EPN3: variants seen among roughly 807,000 people sequenced by gnomAD.
EPN3 encodes epsin-3.
EPN3 carries 56 observed loss-of-function variants against 55.5 expected under a neutral mutation model. That is an observed-to-expected ratio of 1.01 (90% CI 0.81 to 1.26). EPN3 has a LOEUF of 1.26. Ranked by LOEUF, EPN3 falls within the 50% of genes most tolerant of loss-of-function variation. The probability of loss-of-function intolerance (pLI) is 0.00; values close to 1 mark genes in which losing one functional copy is unlikely to be tolerated. For missense variants in EPN3, 927 were observed against 853.4 expected (o/e 1.09, Z -1.07); for synonymous variants, 449 against 375.2 (o/e 1.20, Z -2.27).
intron 6 of EPN3, 129 bp downstream of exon 6, chr17:50,540,463 C>T (rs539570489): frequency 2.3e-6 from 2 of 857,862 alleles, no homozygotes; most frequent in East Asian, 2.7e-5. Context: ...CCACCTTGAG[C>T]CTCCGCCGCC....
intron 4 of EPN3, 43 bp from the exon 5 acceptor site, chr17:50,539,144 C>A: frequency 6.2e-7 from 1 of 1,610,842 alleles, no homozygotes; most frequent in South Asian, 1.1e-5. Context: ...CGGATTCCCG[C>A]CTGAGCTGCT....
At chr17:50,538,989 G>A (rs748515663) in intron 4 of EPN3, 25 bp downstream of exon 4, 1 of 1,578,572 alleles carries the variant, frequency 6.3e-7, no homozygotes, top group Non-Finnish European at 8.6e-7. Flanking sequence ...CCGCTGGGCT[G>A]CCGGTGCTGC....
rs1157086366 is a variant in EPN3, at chr17:50,541,676, CG to C, written c.1569del (p.Asn524ThrfsTer4). 1 of 1,613,404 alleles carries C rather than the reference CG, an allele frequency of 6.2e-7. No homozygotes were observed. Among genetic ancestry groups the C allele is most frequent in the Admixed American group, 1.7e-5 (1 of 60,026 alleles). The stretch of plus-strand genomic sequence containing the variant: ...CAAGGCACCCCAGGTTGCAAAGACC[CG>C]GAACCCCTTCCTGACAGGTAAGATA... The part of the protein sequence containing the change: ...LVKAPQVAKT[R>X]NPFLTGLSAP... On this transcript the variant is annotated frameshift_variant, in exon 9 of 10. Transcript: ENST00000268933. LOFTEE classifies it high-confidence loss of function.
chr17:50,536,426 T>A lies in EPN3; in HGVS notation c.-131T>A, dbSNP rs550737946. On this transcript the variant is annotated 5_prime_UTR_variant, in exon 2 of 10. The change abolishes an upstream ATG in the 5' untranslated region. Coordinates refer to ENST00000268933, the MANE Select transcript of EPN3 (RefSeq NM_017957.3). The stretch of plus-strand genomic sequence containing the variant: ...CCTGGCCCTCTCTTCCTCAGCCCCA[T>A]GTGGAACCCAAGGATGCAGCTGCTC... 3.9e-6 allele frequency: 6 copies of A among 1,519,356 alleles called. No individual in the cohort carries two copies. Among genetic ancestry groups the A allele is most frequent in the Non-Finnish European group, 5.2e-6 (6 of 1,143,976 alleles). 94.1% of individuals were successfully genotyped at this position (1,519,356 alleles called of 1,614,324 possible). A position where few individuals can be genotyped will look rare whatever the true frequency, so the allele number is the denominator to read the frequency against.
chr17:50,534,033 C>T (rs2034720974), intron 1 of EPN3, among the ~76,000 whole-genome samples: 1 of 152,220 alleles, frequency 6.6e-6, no homozygotes, highest in African/African-American at 2.4e-5. Flanking sequence ...TGGCAGCGCT[C>T]CCAGCTGCTC....
At position 50,539,257 on chromosome 17, in the gene EPN3, G is replaced by A. The variant is rs756351981; in HGVS notation, c.833G>A (p.Arg278Gln). The change falls in exon 5 of 10, where the codon CGG (arginine) becomes CAG (glutamine). Residue 278 changes from arginine to glutamine, a missense_variant. Coordinates refer to ENST00000268933, the MANE Select transcript of EPN3 (RefSeq NM_017957.3). ...GCAGGGGCCGTGGTCCACCATCAGC[G>A]GGACAGAGAGCCTGAGAGAGAAGAG... is the stretch of plus-strand genomic sequence containing the variant. ...NGAGAVVHHQRDREPEREERK... is the reference protein window; with the variant it reads ...NGAGAVVHHQQDREPEREERK... 58 of 1,614,178 alleles carry A rather than the reference G, an allele frequency of 3.6e-5. No individual in the cohort carries two copies. Among genetic ancestry groups the A allele is most frequent in the Non-Finnish European group, 4.6e-5 (54 of 1,180,028 alleles).
rs573109746 is a variant in EPN3 at position 50,542,276 on chromosome 17, A to G, written c.*119A>G. ...GAACGCCGAGCCAGTGGCGGCTGGT[A>G]TCCCGCGGCGGCTCTGGAAGCTGGA... is the stretch of plus-strand genomic sequence containing the variant. On this transcript the variant is annotated 3_prime_UTR_variant, in exon 10 of 10. Transcript: ENST00000268933. The G allele has an allele frequency of 6.6e-5, 76 of 1,152,124 alleles. No homozygotes were observed. The highest frequency in any genetic ancestry group is 6.6e-4 in the African/African-American group (40 of 60,764). The allele number at this position is 1,152,124 out of a possible 1,614,324, so 71.4% of individuals were successfully genotyped here. A position where few individuals can be genotyped will look rare whatever the true frequency, so the allele number is the denominator to read the frequency against.
intron 4 of EPN3, 65 bp downstream of exon 4, chr17:50,539,029 A>G: frequency 6.5e-7 from 1 of 1,540,800 alleles, no homozygotes; most frequent in Non-Finnish European, 8.8e-7. Context: ...GCTTCAGGGC[A>G]CTAACAGCCT....
chr17:50,537,349 A>G (rs2034780131), intron 2 of EPN3: 2 of 573,852 alleles, frequency 3.5e-6, no homozygotes, highest in East Asian at 5.8e-5. Flanking sequence ...GCTGCCTGAT[A>G]GGATGGCGCG....
rs2034774350 is a variant in EPN3 at position 50,537,045 on chromosome 17, T to C, written c.489T>C (p.Ser163=). Residue 163 remains serine, a synonymous_variant, in exon 2 of 10, where the codon AGT becomes AGC. Coordinates refer to ENST00000268933, the MANE Select transcript of EPN3 (RefSeq NM_017957.3). Reference sequence around the variant, plus strand: ...CACTGGAGGGCATCGGCATTGGCAGTGGGCAGCTGGGCTTCAGCCGCCGCT... The same window carrying C: ...CACTGGAGGGCATCGGCATTGGCAGCGGGCAGCTGGGCTTCAGCCGCCGCT... ...RMALEGIGIG[S]GQLGFSRRYG... The C allele has an allele frequency of 1.9e-6, 3 of 1,611,992 alleles. No individual in the cohort carries two copies. The highest frequency in any genetic ancestry group is 2.2e-5 in the East Asian group (1 of 44,846).
In EPN3 at chr17:50,537,067, C is replaced by T. The variant is rs531362435; in HGVS notation, c.511C>T (p.Arg171Cys). The change falls in exon 2 of 10, where the codon CGC (arginine) becomes TGC (cysteine). Residue 171 changes from arginine to cysteine, a missense_variant. By Grantham distance (180) the Arg-to-Cys change is radical (BLOSUM62 -3). Transcript: ENST00000268933. ...IGSGQLGFSR[R>C]YGEDYSRSRG... ...CAGTGGGCAGCTGGGCTTCAGCCGC[C>T]GCTACGGCGAGGACTACAGCCGCTC... 304 of 1,611,782 alleles carry T rather than the reference C, an allele frequency of 1.9e-4. 2 individuals carry two copies. The South Asian group carries it at 2.8e-3, about 15-fold the overall frequency.
rs542448631 is a variant in EPN3, at chr17:50,541,072, G to C, written c.1249+10G>C. ...ACCTCCGACACACCTGGTAAGAAGA[G>C]GGCCAGAGAGTGTGAGTGAGGAGCT... On this transcript the variant is annotated intron_variant, in intron 7 of 9. Transcript: ENST00000268933. 1.3e-6 allele frequency: 2 copies of C among 1,571,978 alleles called. No homozygotes were observed. Among genetic ancestry groups the C allele is most frequent in the South Asian group, 1.2e-5 (1 of 85,660 alleles).
At chr17:50,539,014 G>A (rs1185282302) in intron 4 of EPN3, 50 bp downstream of exon 4, 11 of 1,557,338 alleles carry the variant, frequency 7.1e-6, no homozygotes, top group Non-Finnish European at 9.6e-6. Context: ...GCTGCTGGTG[G>A]AGGTGCTTCA....
rs775916246 is a variant in EPN3, at chr17:50,541,944, A to G, written c.1686A>G (p.Ala562=). The change falls in exon 10 of 10, where the codon GCA becomes GCG. Residue 562 remains alanine (A), a synonymous_variant. Transcript: ENST00000268933. ...CCGGCTCGCCGGCGCTGGGCCTGGCAGGCGGGCCTGTGGGGGCGCCCCTGG... is the reference window on the plus strand; with the variant it reads ...CCGGCTCGCCGGCGCTGGGCCTGGCGGGCGGGCCTGTGGGGGCGCCCCTGG... ...MRTGSPALGL[A]GGPVGAPLGS... 10 of 1,597,324 alleles carry G rather than the reference A, an allele frequency of 6.3e-6. No homozygotes were observed. In the South Asian group the frequency reaches 1.1e-4, roughly 18 times the overall value.
At chr17:50,534,526 G>T (rs1299647483) in intron 1 of EPN3, 1 of 985,406 alleles carries the variant, frequency 1.0e-6, no homozygotes, top group Non-Finnish European at 1.2e-6. Context: ...CCCAGCCACG[G>T]GTTGGGGAGG....
Position 50,541,955 on chromosome 17 carries a change from T to C in EPN3, c.1697T>C (p.Val566Ala). 1 of 1,596,388 alleles carries C rather than the reference T, an allele frequency of 6.3e-7. No individual in the cohort carries two copies. The change falls in exon 10 of 10, where the codon GTG (valine) becomes GCG (alanine). Residue 566 changes from valine (V) to alanine (A), a missense_variant. Transcript: ENST00000268933. ...SPALGLAGGP[V>A]GAPLGSMTYS... ...GCGCTGGGCCTGGCAGGCGGGCCTG[T>C]GGGGGCGCCCCTGGGCTCCATGACC...
Position 50,539,266 on chromosome 17 carries a change from A to G in EPN3, c.842A>G (p.Glu281Gly). The change falls in exon 5 of 10, where the codon GAG (glutamate) becomes GGG (glycine). Residue 281 changes from glutamate (E) to glycine (G), a missense_variant. By Grantham distance (98) the Glu-to-Gly change is moderately conservative (BLOSUM62 -2). Coordinates refer to ENST00000268933, the MANE Select transcript of EPN3 (RefSeq NM_017957.3). Reference sequence around the variant, plus strand: ...GTGGTCCACCATCAGCGGGACAGAGAGCCTGAGAGAGAAGAGAGAAAGGAG... The same window carrying G: ...GTGGTCCACCATCAGCGGGACAGAGGGCCTGAGAGAGAAGAGAGAAAGGAG... The part of the protein sequence containing the change: ...GAVVHHQRDR[E>G]PEREERKEEE... 1 of 1,614,140 alleles carries G rather than the reference A, an allele frequency of 6.2e-7. No homozygotes were observed. The highest frequency in any genetic ancestry group is 1.1e-5 in the South Asian group (1 of 91,080).
In EPN3 at chr17:50,542,358, C is replaced by T. The variant is rs1040279747; in HGVS notation, c.*201C>T. ...ACGCCCGCATAATAAAGACTGGAACCCTCGTTCTCAGCTCTCACCAAGTGG... is the reference window on the plus strand; with the variant it reads ...ACGCCCGCATAATAAAGACTGGAACTCTCGTTCTCAGCTCTCACCAAGTGG... On this transcript the variant is annotated 3_prime_UTR_variant, in exon 10 of 10. Coordinates refer to ENST00000268933, the MANE Select transcript of EPN3 (RefSeq NM_017957.3). 6 of 531,550 alleles carry T rather than the reference C, an allele frequency of 1.1e-5. No individual in the cohort carries two copies. The highest frequency in any genetic ancestry group is 7.7e-5 in the East Asian group (2 of 26,130). The allele number at this position is 531,550 out of a possible 1,614,324, so 32.9% of individuals were successfully genotyped here.
Position 50,541,650 on chromosome 17 carries a change from T to C in EPN3, c.1541T>C (p.Val514Ala). Reference protein sequence around the residue: ...ASSLVNLDSLVKAPQVAKTRN... With the variant: ...ASSLVNLDSLAKAPQVAKTRN... ...TCCTTGGTCAACCTTGACTCGTTGG[T>C]CAAGGCACCCCAGGTTGCAAAGACC... The change falls in exon 9 of 10, where the codon GTC becomes GCC. Residue 514 changes from valine (V) to alanine (A), a missense_variant. Coordinates refer to ENST00000268933, the MANE Select transcript of EPN3 (RefSeq NM_017957.3). 6.2e-7 allele frequency: 1 copy of C among 1,614,100 alleles called. No individual in the cohort carries two copies. Among genetic ancestry groups the C allele is most frequent in the Non-Finnish European group, 8.5e-7 (1 of 1,180,010 alleles).
Sources: gnomAD v4.1 joint callset for allele counts (sites outside exome capture counted in the v4.1 genomes callset) on GRCh38, gnomAD v4.1.1 for gene constraint, MANE v1.5 for transcripts, NCBI Gene and HGNC (gene_info 2026-07-23, HGNC 2026-07-21) for gene names.